ANXA4: variants seen among roughly 807,000 people sequenced by gnomAD.
ANXA4 encodes 35-beta calcimedin.
A neutral mutation model predicts 49.8 loss-of-function variants in ANXA4; 39 were observed. The ratio of observed to expected loss-of-function variants is 0.78; its 90% CI spans 0.61 to 1.02. ANXA4 has a LOEUF of 1.02. ANXA4 is among the 50% of genes least tolerant of loss of function. The pLI, the probability that ANXA4 is intolerant of heterozygous loss-of-function variation, is 0.00. For missense variants in ANXA4, 360 were observed against 410.1 expected (o/e 0.88, Z 1.05); for synonymous variants, 134 against 152.5 (o/e 0.88, Z 0.89).
chr2:69,727,152 G>A (rs1349074146), intron 3 of ANXA4, among the ~76,000 whole-genome samples: 3 of 152,204 alleles, frequency 2.0e-5, no homozygotes, highest in Non-Finnish European at 4.4e-5. Context: ...GGGATTATAG[G>A]CATGAGCCAC....
At chr2:69,797,690 C>T (rs1433878312) in intron 3 of ANXA4, among the ~76,000 whole-genome samples, 1 of 152,164 alleles carries the variant, frequency 6.6e-6, no homozygotes. Context: ...CTTCAGAGAA[C>T]GTAAGGGTCA....
chr2:69,746,810 AAAAC>A (rs1670632075), intron 1 of ANXA4, among the ~76,000 whole-genome samples: 1 of 119,168 alleles, frequency 8.4e-6, no homozygotes, highest in African/African-American at 3.3e-5. Flanking sequence ...GTCTCTACCA[AAAAC>A]AAACAAACAA....
intron 3 of ANXA4, chr2:69,803,412 G>A (rs1673304598): frequency 6.6e-6 from 1 of 152,136 alleles, no homozygotes; most frequent in South Asian, 2.1e-4. Context: ...CGAGGAAACA[G>A]AAGATTCACC....
chr2:69,777,181 C>T (rs1671991261), intron 1 of ANXA4, among the ~76,000 whole-genome samples: 1 of 152,194 alleles, frequency 6.6e-6, no homozygotes, highest in African/African-American at 2.4e-5. Flanking sequence ...GTTCACTAAC[C>T]TGGAAGCTCT....
At chr2:69,687,207 A>G (rs929377684) in intron 2 of ANXA4, among the ~76,000 whole-genome samples, 1 of 152,190 alleles carries the variant, frequency 6.6e-6, no homozygotes, top group Non-Finnish European at 1.5e-5. Flanking sequence ...TGTTCAGTAT[A>G]AGGAAGACAT....
intron 3 of ANXA4, among the ~76,000 whole-genome samples, chr2:69,798,033 C>T (rs35293234): frequency 6.6e-6 from 1 of 151,984 alleles, no homozygotes. Flanking sequence ...TACCTCCTAA[C>T]AGGAGAAAGT....
chr2:69,692,790 G>A (rs1007424778), intron 2 of ANXA4, among the ~76,000 whole-genome samples: 2 of 152,190 alleles, frequency 1.3e-5, no homozygotes, highest in African/African-American at 4.8e-5. Flanking sequence ...TGTCTTTAGT[G>A]TATTTTAAAT....
intron 2 of ANXA4, among the ~76,000 whole-genome samples, chr2:69,678,772 A>C (rs955466816): frequency 1.3e-5 from 2 of 152,268 alleles, no homozygotes; most frequent in African/African-American, 4.8e-5. Flanking sequence ...AATATTCACG[A>C]GGCATTTATT....
At chr2:69,684,846 T>C (rs1276357157) in intron 2 of ANXA4, among the ~76,000 whole-genome samples, 1 of 151,812 alleles carries the variant, frequency 6.6e-6, no homozygotes, top group East Asian at 1.9e-4. Context: ...ATCAGTAAGG[T>C]GAGGAGAAAT....
At chr2:69,748,951 G>A (rs1010449429) in intron 1 of ANXA4, among the ~76,000 whole-genome samples, 8 of 152,082 alleles carry the variant, frequency 5.3e-5, no homozygotes, top group Non-Finnish European at 1.2e-4. Flanking sequence ...GGGCTCAAGT[G>A]ATCCACCTGC....
Position 69,772,441 on chromosome 2 carries a change from A to G in ANXA4, c.-46-9079A>G, listed in dbSNP as rs539381841. Among the ~76,000 whole-genome samples the G allele has an allele frequency of 3.3e-5, 5 of 152,192 alleles. No homozygotes were observed. In the South Asian group the frequency reaches 1.0e-3, roughly 32 times the overall value. ...ATGAGGTGGGAAGGTTATAGGTGGA[A>G]CTTCCAGAAGAAAGGCTTTTCAGCC... is the stretch of plus-strand genomic sequence containing the variant. On this transcript the variant is annotated intron_variant, in intron 1 of 12. Transcript: ENST00000394295.
intron 2 of ANXA4, among the ~76,000 whole-genome samples, chr2:69,786,464 T>TC (rs1672420647): frequency 1.3e-5 from 2 of 152,130 alleles, no homozygotes; most frequent in African/African-American, 4.8e-5. Context: ...AGATCACATG[T>TC]CCCTATCTCC....
At chr2:69,684,857 A>C (rs1439869770) in intron 2 of ANXA4, among the ~76,000 whole-genome samples, 1 of 152,162 alleles carries the variant, frequency 6.6e-6, no homozygotes, top group Non-Finnish European at 1.5e-5. Flanking sequence ...GAGGAGAAAT[A>C]GAGAAAGAGC....
intron 2 of ANXA4, among the ~76,000 whole-genome samples, chr2:69,656,212 CATATATATGTATATATGTATATATAT>C (rs1559045465): frequency 2.2e-5 from 3 of 135,506 alleles, no homozygotes; most frequent in African/African-American, 8.3e-5. Flanking sequence ...TATACACACA[CATATATATGTATATATGTATATATAT>C]ACGTATATAT....
At chr2:69,756,082 C>G (rs1671028458) in intron 1 of ANXA4, among the ~76,000 whole-genome samples, 1 of 152,106 alleles carries the variant, frequency 6.6e-6, no homozygotes, top group African/African-American at 2.4e-5. Flanking sequence ...AGATTTACAC[C>G]AAAAAAGTGG....
chr2:69,726,364 G>T (rs1669962841), intron 3 of ANXA4, among the ~76,000 whole-genome samples: 1 of 152,162 alleles, frequency 6.6e-6, no homozygotes. Context: ...CCAGTCTTGG[G>T]TGTTCTTTAT....
chr2:69,686,514 G>A (rs1216042380), intron 2 of ANXA4, among the ~76,000 whole-genome samples: 2 of 152,164 alleles, frequency 1.3e-5, no homozygotes, highest in African/African-American at 2.4e-5. Context: ...GTACGGTGGC[G>A]TGATCTCAGC....
intron 2 of ANXA4, among the ~76,000 whole-genome samples, chr2:69,655,134 A>G (rs903542662): frequency 1.3e-5 from 2 of 152,376 alleles, no homozygotes; most frequent in African/African-American, 2.4e-5. Context: ...CTTCATGACT[A>G]TAACACCAAA....
At chr2:69,687,781 G>T (rs1438431791) in intron 2 of ANXA4, among the ~76,000 whole-genome samples, 1 of 152,094 alleles carries the variant, frequency 6.6e-6, no homozygotes, top group Non-Finnish European at 1.5e-5. Context: ...GGCGTGGGCT[G>T]CCGCGCCCAG....
Sources: allele counts gnomAD v4.1 joint callset (sites outside exome capture counted in the v4.1 genomes callset), GRCh38; gene constraint gnomAD v4.1.1; transcripts MANE v1.5; gene names NCBI Gene and HGNC (gene_info 2026-07-23, HGNC 2026-07-21).